The following ANTXR2 variants were observed in gnomAD, a reference collection of about 807,000 sequenced individuals.
The protein encoded by ANTXR2 is anthrax toxin receptor 2.
Under a neutral mutation model 73.7 loss-of-function variants are expected in ANTXR2, and 44 were observed. The ratio of observed to expected loss-of-function variants is 0.60; its 90% CI spans 0.47 to 0.77. The LOEUF is 0.77. Among genes scored for constraint, ANTXR2 ranks in the 30% least tolerant of loss-of-function variants. ANTXR2 has a pLI of 0.00. For synonymous variants in ANTXR2, 217 were observed against 205.9 expected, an observed-to-expected ratio of 1.05 and a Z score of -0.46; for missense variants, 604 against 592.5, an observed-to-expected ratio of 1.02 and a Z score of -0.20.
intron 3 of ANTXR2, 108 bp downstream of exon 3, chr4:80,069,328 C>T: frequency 1.2e-6 from 1 of 826,064 alleles, no homozygotes; most frequent in Non-Finnish European, 2.0e-6. Flanking sequence ...ATTGTCTGTG[C>T]ATCTGCTTGA....
intron 16 of ANTXR2, among the ~76,000 whole-genome samples, chr4:79,933,077 G>A (rs1411297419): frequency 6.6e-6 from 1 of 152,072 alleles, no homozygotes; most frequent in Non-Finnish European, 1.5e-5. Context: ...TAGTTATAAT[G>A]GTGCCTTCCC....
chr4:80,036,316 G>T (rs1296237844), intron 7 of ANTXR2, among the ~76,000 whole-genome samples: 1 of 151,958 alleles, frequency 6.6e-6, no homozygotes, highest in Non-Finnish European at 1.5e-5. Flanking sequence ...GATAACCTTG[G>T]GTATGAATAG....
chr4:79,986,657 T>G (rs1254759305), intron 12 of ANTXR2, among the ~76,000 whole-genome samples: 3 of 152,112 alleles, frequency 2.0e-5, no homozygotes, highest in Admixed American at 6.6e-5. Flanking sequence ...GCCCCACTAG[T>G]GTGCACTCTC....
chr4:79,907,534 A>C (rs1726965694), intron 16 of ANTXR2, 67 bp from the exon 17 acceptor site: 3 of 1,472,252 alleles, frequency 2.0e-6, no homozygotes, highest in Non-Finnish European at 2.8e-6. Flanking sequence ...GAGAACATCT[A>C]GTTTTCCTAC....
chr4:79,981,279 A>G (rs933575370), intron 14 of ANTXR2, among the ~76,000 whole-genome samples: 1 of 152,186 alleles, frequency 6.6e-6, no homozygotes, highest in African/African-American at 2.4e-5. Flanking sequence ...AATGCTCTAA[A>G]ACCTGAAACC....
At chr4:80,048,449 A>T (rs544092380) in intron 7 of ANTXR2, among the ~76,000 whole-genome samples, 183 of 151,802 alleles carry the variant, frequency 1.2e-3, no homozygotes, top group Non-Finnish European at 2.0e-3. Flanking sequence ...GTCCTTTTTA[A>T]CAGGAGTCCT....
chr4:79,959,119 A>C (rs932309542), intron 16 of ANTXR2, among the ~76,000 whole-genome samples: 5 of 152,112 alleles, frequency 3.3e-5, no homozygotes, highest in African/African-American at 9.6e-5. Flanking sequence ...TTTGTTCAAA[A>C]TTTAGCCTAA....
At chr4:79,988,381 T>A (rs932068942) in intron 12 of ANTXR2, among the ~76,000 whole-genome samples, 1 of 150,466 alleles carries the variant, frequency 6.6e-6, no homozygotes. Flanking sequence ...AGACTTTAAA[T>A]CAGCAATGAT....
At chr4:79,936,799 C>CT (rs1286102210) in intron 16 of ANTXR2, among the ~76,000 whole-genome samples, 1 of 151,970 alleles carries the variant, frequency 6.6e-6, no homozygotes, top group African/African-American at 2.4e-5. Context: ...TTATAATCAC[C>CT]TTTTTTGTGC....
chr4:80,049,535 T>C (rs1361558076), intron 7 of ANTXR2, among the ~76,000 whole-genome samples: 2 of 151,798 alleles, frequency 1.3e-5, no homozygotes, highest in Admixed American at 1.3e-4. Context: ...TAGGGTTTTC[T>C]AGCCTTTCCA....
At chr4:79,975,950 T>C (rs537754986) in intron 16 of ANTXR2, among the ~76,000 whole-genome samples, 12 of 149,432 alleles carry the variant, frequency 8.0e-5, no homozygotes, top group Non-Finnish European at 1.5e-4. Context: ...TCTCTCTCTG[T>C]CGCCCAGGCT....
In ANTXR2 at chr4:79,989,906, GA is replaced by G. The variant is rs558590147; in HGVS notation, c.1042-5044del. Among the ~76,000 whole-genome samples, 29 of 151,988 alleles carry G rather than the reference GA, an allele frequency of 1.9e-4. 1 individual carries two copies. The highest frequency in any genetic ancestry group is 1.4e-3 in the Admixed American group (22 of 15,252). ...CCACATGATCATCTCAATAGACTCA[GA>G]AAAAACTTTCAATAAAATTCCACAT... On this transcript the variant is annotated intron_variant, in intron 12 of 16. Transcript: ENST00000403729.
In ANTXR2 at chr4:80,057,271, C is replaced by T. The variant is rs181157206; in HGVS notation, c.297-1258G>A. Among the ~76,000 whole-genome samples the T allele has an allele frequency of 5.3e-5, 8 of 152,036 alleles. No homozygotes were observed. The South Asian group carries it at 1.0e-3, about 20-fold the overall frequency. On this transcript the variant is annotated intron_variant, in intron 3 of 16. Coordinates refer to ENST00000403729, the MANE Select transcript of ANTXR2 (RefSeq NM_058172.6). ...AGGAACTTACTGGGGCCATACACAA[C>T]ATTTATATAGGTACATGTGTGTATA...
At chr4:80,045,504 T>G (rs555934918) in intron 7 of ANTXR2, among the ~76,000 whole-genome samples, 1 of 151,278 alleles carries the variant, frequency 6.6e-6, no homozygotes, top group Non-Finnish European at 1.5e-5. Context: ...CCTTAACAGA[T>G]AGAAACTGCC....
At chr4:80,060,792 G>A (rs1410278213) in intron 3 of ANTXR2, among the ~76,000 whole-genome samples, 1 of 152,038 alleles carries the variant, frequency 6.6e-6, no homozygotes, top group Admixed American at 6.6e-5. Context: ...TCATCAACTG[G>A]GGTTCTTGGA....
rs760605637 is a variant in ANTXR2 at position 80,054,360 on chromosome 4, A to C, written c.556-8T>G. Reference sequence around the variant, plus strand: ...ATCAGCAATTCTTTCAAGCTTTAGAAAGAAGAGGAAGACTTAATTAAGGAG... The same window carrying C: ...ATCAGCAATTCTTTCAAGCTTTAGACAGAAGAGGAAGACTTAATTAAGGAG... On this transcript the variant is annotated splice_polypyrimidine_tract_variant and splice_region_variant and intron_variant, in intron 6 of 16. Transcript: ENST00000403729. The C allele has an allele frequency of 1.3e-6, 2 of 1,569,274 alleles. No homozygotes were observed. Among genetic ancestry groups the C allele is most frequent in the African/African-American group, 2.8e-5 (2 of 72,034 alleles).
intron 16 of ANTXR2, among the ~76,000 whole-genome samples, chr4:79,935,990 G>T (rs2109967447): frequency 6.6e-6 from 1 of 152,232 alleles, no homozygotes; most frequent in African/African-American, 2.4e-5. Flanking sequence ...ATAAATGCCT[G>T]TTCCAACAAA....
At chr4:79,994,342 T>C (rs533569941) in intron 12 of ANTXR2, among the ~76,000 whole-genome samples, 4 of 152,152 alleles carry the variant, frequency 2.6e-5, no homozygotes, top group South Asian at 2.1e-4. Flanking sequence ...CTAAATTTTA[T>C]TGGAAAGACC....
chr4:80,013,976 GAC>G (rs1297108245), intron 11 of ANTXR2, among the ~76,000 whole-genome samples: 1 of 152,140 alleles, frequency 6.6e-6, no homozygotes, highest in Admixed American at 6.5e-5. Context: ...AGCCTTGGCA[GAC>G]ACGGGGAGAT....
Sources: allele counts gnomAD v4.1 joint callset (sites outside exome capture counted in the v4.1 genomes callset), GRCh38; gene constraint gnomAD v4.1.1; transcripts MANE v1.5; gene names NCBI Gene and HGNC (gene_info 2026-07-23, HGNC 2026-07-21).